The following PHTF2 variants were observed in gnomAD, a reference collection of about 807,000 sequenced individuals.
PHTF2 encodes protein PHTF2.
Under a neutral mutation model 101.2 loss-of-function variants are expected in PHTF2, and 60 were observed. That is an observed-to-expected ratio of 0.59 (90% CI 0.48 to 0.73). The LOEUF (loss-of-function observed/expected upper bound fraction) is 0.73. Among genes scored for constraint, PHTF2 ranks in the 30% least tolerant of loss-of-function variants. The probability of loss-of-function intolerance (pLI) is 0.00; values close to 1 mark genes in which losing one functional copy is unlikely to be tolerated. For missense variants in PHTF2, 747 were observed against 908.7 expected (o/e 0.82, Z 2.29); for synonymous variants, 311 against 307.3 (o/e 1.01, Z -0.13).
intron 11 of PHTF2, among the ~76,000 whole-genome samples, chr7:77,925,892 C>T (rs371228623): frequency 1.3e-5 from 2 of 151,846 alleles, no homozygotes; most frequent in Admixed American, 6.6e-5. Context: ...CCCGTCTCTA[C>T]GAAAAATACA....
rs1802793130 is a variant in PHTF2 at position 77,915,189 on chromosome 7, G to T, written c.776+4780G>T. ...CTCCCAAAGTGCTGGGATTACAGGC[G>T]TGAGTCACCGCTCCTGGCCATTATT... is the stretch of plus-strand genomic sequence containing the variant. On this transcript the variant is annotated intron_variant, in intron 9 of 19. Coordinates refer to ENST00000416283, the Ensembl canonical transcript of PHTF2. 2.6e-5 allele frequency among the ~76,000 whole-genome samples: 4 copies of T among 151,274 alleles called. No homozygotes were observed. The South Asian group carries it at 8.4e-4, about 32-fold the overall frequency.
At chr7:77,889,578 T>C (rs528179871) in intron 3 of PHTF2, among the ~76,000 whole-genome samples, 4 of 129,986 alleles carry the variant, frequency 3.1e-5, no homozygotes, top group African/African-American at 1.1e-4. Context: ...TAGTATTTTC[T>C]TTTTTTTTTT....
intron 11 of PHTF2, among the ~76,000 whole-genome samples, chr7:77,928,890 TATCTG>T (rs1804306432): frequency 6.6e-6 from 1 of 152,234 alleles, no homozygotes; most frequent in Non-Finnish European, 1.5e-5. Context: ...TGCAAAGTAA[TATCTG>T]AGCTGAAATA....
intron 16 of PHTF2, among the ~76,000 whole-genome samples, chr7:77,947,826 CTTT>C (rs199670453): frequency 1.0e-3 from 88 of 86,930 alleles, no homozygotes; most frequent in African/African-American, 3.9e-3. Flanking sequence ...TTTCTTTTTT[CTTT>C]TTTCTTTCTT....
intron 1 of PHTF2, among the ~76,000 whole-genome samples, chr7:77,814,774 C>T (rs1264395760): frequency 6.6e-6 from 1 of 151,950 alleles, no homozygotes; most frequent in Admixed American, 6.6e-5. Context: ...TCTGGGGGGG[C>T]ATTTTTAAAC....
intron 5 of PHTF2, among the ~76,000 whole-genome samples, chr7:77,899,414 A>G (rs1801179731): frequency 6.6e-6 from 1 of 151,652 alleles, no homozygotes; most frequent in South Asian, 2.1e-4. Context: ...GTGAACGTTG[A>G]TTTGGGGGTA....
exon 20 of PHTF2, chr7:77,956,051 G>T (rs559723500): frequency 6.6e-6 from 1 of 152,432 alleles, no homozygotes; most frequent in African/African-American, 2.4e-5. Flanking sequence ...TAGGTAAATC[G>T]GGCAAATATG....
rs1309188080 is a variant in PHTF2 at position 77,840,827 on chromosome 7, TTTC to T, written c.45+530_45+532del. ...GAATAAGCTTTACCAATGTAATGTTTTTCTTTATAAAGTCCAAAAGAATATAGG... is the reference window on the plus strand; with the variant it reads ...GAATAAGCTTTACCAATGTAATGTTTTTTATAAAGTCCAAAAGAATATAGG... On this transcript the variant is annotated intron_variant, in intron 2 of 19. Transcript: ENST00000416283. 3.9e-5 allele frequency among the ~76,000 whole-genome samples: 6 copies of T among 152,114 alleles called. No homozygotes were observed. The East Asian group carries it at 1.2e-3, about 29-fold the overall frequency.
At chr7:77,891,981 C>T (rs374035308) in intron 3 of PHTF2, among the ~76,000 whole-genome samples, 2 of 152,100 alleles carry the variant, frequency 1.3e-5, no homozygotes, top group South Asian at 4.1e-4. Context: ...AGCAAGATAA[C>T]GTATAAGAGA....
At chr7:77,847,613 T>TG (rs1263133357) in intron 2 of PHTF2, among the ~76,000 whole-genome samples, 2 of 152,232 alleles carry the variant, frequency 1.3e-5, no homozygotes, top group Non-Finnish European at 2.9e-5. Flanking sequence ...TAAATATTTG[T>TG]GGGGTACATG....
At chr7:77,832,919 C>G (rs147443604) in intron 1 of PHTF2, among the ~76,000 whole-genome samples, 1 of 152,126 alleles carries the variant, frequency 6.6e-6, no homozygotes, top group Non-Finnish European at 1.5e-5. Flanking sequence ...TTCCACAAAA[C>G]CAGTCCCTGG....
intron 19 of PHTF2, among the ~76,000 whole-genome samples, chr7:77,954,644 A>ATATATATATATATATATATATATATATG (rs1806872010): frequency 7.0e-6 from 1 of 143,648 alleles, no homozygotes; most frequent in African/African-American, 2.5e-5. Context: ...ATATATATAT[A>ATATATATATATATATATATATATATATG]TAGCCACTTC....
chr7:77,849,306 A>T (rs1475915817), intron 2 of PHTF2, among the ~76,000 whole-genome samples: 3 of 150,238 alleles, frequency 2.0e-5, no homozygotes, highest in African/African-American at 7.3e-5. Flanking sequence ...ATATATATAT[A>T]TTTATTTATT....
chr7:77,952,864 C>A (rs536508047), intron 18 of PHTF2, among the ~76,000 whole-genome samples: 1 of 152,160 alleles, frequency 6.6e-6, no homozygotes, highest in African/African-American at 2.4e-5. Flanking sequence ...TTCTCAAGTC[C>A]GCTGATTCAG....
At chr7:77,831,002 G>A (rs1255318522) in intron 1 of PHTF2, among the ~76,000 whole-genome samples, 1 of 152,228 alleles carries the variant, frequency 6.6e-6, no homozygotes, top group African/African-American at 2.4e-5. Context: ...TGATGAGACA[G>A]CAGAAGACTC....
At chr7:77,838,445 T>C (rs1795632785) in intron 1 of PHTF2, among the ~76,000 whole-genome samples, 1 of 152,238 alleles carries the variant, frequency 6.6e-6, no homozygotes, top group Non-Finnish European at 1.5e-5. Flanking sequence ...AAAAACTGAT[T>C]GCATGTATTT....
At chr7:77,867,921 G>A (rs186766324) in intron 3 of PHTF2, among the ~76,000 whole-genome samples, 105 of 152,258 alleles carry the variant, frequency 6.9e-4, no homozygotes, top group African/African-American at 2.3e-3. Context: ...TTACAAAGTT[G>A]GCAGAACTTT....
intron 12 of PHTF2, among the ~76,000 whole-genome samples, chr7:77,933,576 C>T (rs1804806126): frequency 6.6e-6 from 1 of 152,136 alleles, no homozygotes; most frequent in Non-Finnish European, 1.5e-5. Context: ...TCCATGAAAG[C>T]ATAGGGTGTT....
intron 1 of PHTF2, among the ~76,000 whole-genome samples, chr7:77,811,181 C>T (rs1005254819): frequency 3.9e-5 from 6 of 152,200 alleles, no homozygotes; most frequent in Admixed American, 2.0e-4. Flanking sequence ...GGATTACAGG[C>T]GTGAGCCACT....
Sources: allele counts gnomAD v4.1 joint callset (sites outside exome capture counted in the v4.1 genomes callset), GRCh38; gene constraint gnomAD v4.1.1; transcripts MANE v1.5; gene names NCBI Gene and HGNC (gene_info 2026-07-23, HGNC 2026-07-21).